PRR16: variants seen among roughly 807,000 people sequenced by gnomAD.
The protein encoded by PRR16 is protein Largen.
In PRR16, 6 loss-of-function variants were observed where a neutral mutation model predicts 18.2. That is an observed-to-expected ratio of 0.33 (90% CI 0.18 to 0.65). The LOEUF (loss-of-function observed/expected upper bound fraction) is 0.65. Among genes scored for constraint, PRR16 ranks in the 30% least tolerant of loss-of-function variants. PRR16 has a pLI of 0.74. For synonymous variants in PRR16, 151 were observed against 147.8 expected, an observed-to-expected ratio of 1.02 and a Z score of -0.16; for missense variants, 412 against 376.6, an observed-to-expected ratio of 1.09 and a Z score of -0.78.
At chr5:120,633,674 A>G (rs1260339805) in intron 1 of PRR16, among the ~76,000 whole-genome samples, 1 of 152,124 alleles carries the variant, frequency 6.6e-6, no homozygotes, top group Non-Finnish European at 1.5e-5. Flanking sequence ...GGAAAATATC[A>G]CAATTCAAAA....
chr5:120,660,659 C>G (rs762960537), intron 1 of PRR16, among the ~76,000 whole-genome samples: 20 of 152,008 alleles, frequency 1.3e-4, no homozygotes, highest in Admixed American at 3.3e-4. Flanking sequence ...CCCTTGCTGT[C>G]AAGCCAATCT....
the PRR16 span, among the ~76,000 whole-genome samples, chr5:120,730,133 A>G: frequency 2.0e-5 from 3 of 152,244 alleles, no homozygotes; most frequent in East Asian, 5.8e-4. Flanking sequence ...TCATTGTACT[A>G]CTTTATGATA....
At chr5:120,508,966 G>A (rs190338410) in intron 1 of PRR16, among the ~76,000 whole-genome samples, 3 of 151,952 alleles carry the variant, frequency 2.0e-5, no homozygotes, top group African/African-American at 4.8e-5. Context: ...TGGGTGAGGG[G>A]GGGGATAGTA....
intron 1 of PRR16, among the ~76,000 whole-genome samples, chr5:120,472,577 A>G (rs768208997): frequency 6.6e-6 from 1 of 152,180 alleles, no homozygotes; most frequent in Non-Finnish European, 1.5e-5. Flanking sequence ...AAGAGACAAA[A>G]CAAGTGGTTG....
chr5:120,547,628 G>GGT (rs929247595), intron 1 of PRR16, among the ~76,000 whole-genome samples: 1 of 151,862 alleles, frequency 6.6e-6, no homozygotes, highest in African/African-American at 2.4e-5. Flanking sequence ...ATAACAACAA[G>GGT]GTTGTGTTTT....
intron 1 of PRR16, among the ~76,000 whole-genome samples, chr5:120,597,592 T>G (rs1753855192): frequency 6.6e-6 from 1 of 151,842 alleles, no homozygotes; most frequent in South Asian, 2.1e-4. Flanking sequence ...ACAGATTTAT[T>G]ACATCAGGTC....
chr5:120,727,898 T>C, the PRR16 span, among the ~76,000 whole-genome samples: 1 of 151,998 alleles, frequency 6.6e-6, no homozygotes, highest in African/African-American at 2.4e-5. Flanking sequence ...TGCTTGAACA[T>C]TCTTACAGAT....
chr5:120,609,001 G>A (rs549902747), intron 1 of PRR16, among the ~76,000 whole-genome samples: 7 of 152,062 alleles, frequency 4.6e-5, no homozygotes, highest in African/African-American at 1.7e-4. Context: ...GAAACTCTTC[G>A]TATTCAAAAG....
At chr5:120,767,230 G>C in the PRR16 span, among the ~76,000 whole-genome samples, 2 of 151,874 alleles carry the variant, frequency 1.3e-5, no homozygotes, top group African/African-American at 4.8e-5. Flanking sequence ...ATAATGTCTT[G>C]TTATTACAAA....
intron 1 of PRR16, among the ~76,000 whole-genome samples, chr5:120,491,786 T>A (rs1750058961): frequency 6.6e-6 from 1 of 152,154 alleles, no homozygotes; most frequent in South Asian, 2.1e-4. Context: ...TCAGGCAGTC[T>A]GCCCGCCTTG....
intron 1 of PRR16, chr5:120,658,350 G>GCAA (rs1554092658): frequency 1.4e-5 from 2 of 143,206 alleles, no homozygotes; most frequent in East Asian, 4.1e-4. Flanking sequence ...ATGAGTGGGG[G>GCAA]AAAAAAAAAA....
rs1580853364 is a variant in PRR16 at position 120,666,014 on chromosome 5, TGG to T, written c.160-19937_160-19936del. Among the ~76,000 whole-genome samples, 3 of 152,264 alleles carry T rather than the reference TGG, an allele frequency of 2.0e-5. No individual in the cohort carries two copies. In the East Asian group the frequency reaches 5.8e-4, roughly 29 times the overall value. ...GTGAAGAAAGTCATTGGTAGCTTGA[TGG>T]GGATGGCATTGAATCTATAAATTAC... On this transcript the variant is annotated intron_variant, in intron 1 of 1. Transcript: ENST00000407149.
chr5:120,513,599 T>C (rs938327154), intron 1 of PRR16, among the ~76,000 whole-genome samples: 1 of 152,040 alleles, frequency 6.6e-6, no homozygotes, highest in African/African-American at 2.4e-5. Context: ...TACCCACCTT[T>C]CCCCCTACTG....
intron 1 of PRR16, among the ~76,000 whole-genome samples, chr5:120,504,760 G>A (rs1048488004): frequency 6.6e-6 from 1 of 152,108 alleles, no homozygotes; most frequent in Non-Finnish European, 1.5e-5. Context: ...ACTCTTAAAG[G>A]TATGACAAAA....
the PRR16 span, among the ~76,000 whole-genome samples, chr5:120,785,239 A>C: frequency 7.2e-5 from 11 of 152,172 alleles, no homozygotes; most frequent in Non-Finnish European, 1.2e-4. Context: ...CTAACTCTGC[A>C]AAGTGACAAG....
intron 1 of PRR16, among the ~76,000 whole-genome samples, chr5:120,502,004 A>AAATTACTG (rs1281279691): frequency 6.6e-6 from 1 of 150,678 alleles, no homozygotes; most frequent in Non-Finnish European, 1.5e-5. Context: ...CTAGTATAAA[A>AAATTACTG]AATTACTGTG....
the PRR16 span, among the ~76,000 whole-genome samples, chr5:120,693,456 C>G: frequency 3.3e-5 from 5 of 152,190 alleles, no homozygotes; most frequent in Admixed American, 1.3e-4. Flanking sequence ...CTTTCCTAGA[C>G]AGCAATGCTG....
downstream of PRR16, among the ~76,000 whole-genome samples, chr5:120,687,671 A>G (rs940964640): frequency 3.2e-4 from 48 of 152,200 alleles, no homozygotes; most frequent in Non-Finnish European, 6.8e-4. Flanking sequence ...TAGGAGAATT[A>G]TAGGGGGATA....
chr5:120,552,631 C>G (rs553925194), intron 1 of PRR16, among the ~76,000 whole-genome samples: 170 of 151,816 alleles, frequency 1.1e-3, no homozygotes, highest in Non-Finnish European at 2.0e-3. Context: ...CAATCAAAAA[C>G]TAGTATTTTT....
Sources: allele counts gnomAD v4.1 joint callset (sites outside exome capture counted in the v4.1 genomes callset), GRCh38; gene constraint gnomAD v4.1.1; transcripts MANE v1.5; gene names NCBI Gene and HGNC (gene_info 2026-07-23, HGNC 2026-07-21).